The following PGM5 variants were observed in gnomAD, a reference collection of about 807,000 sequenced individuals.
PGM5 encodes the protein phosphoglucomutase-like protein 5.
PGM5 carries 23 observed loss-of-function variants against 59.2 expected under a neutral mutation model. That is an observed-to-expected ratio of 0.39 (90% CI 0.28 to 0.55). The LOEUF (loss-of-function observed/expected upper bound fraction) is 0.55, where lower values mean the gene tolerates loss of function less well. Ranked by LOEUF, PGM5 falls within the 20% of genes least tolerant of loss-of-function variation. The pLI, the probability that PGM5 is intolerant of heterozygous loss-of-function variation, is 0.66. For synonymous variants in PGM5, 214 were observed against 286.0 expected, an observed-to-expected ratio of 0.75 and a Z score of 2.54; for missense variants, 574 against 748.3, an observed-to-expected ratio of 0.77 and a Z score of 2.72.
At chr9:68,523,407 A>C (rs1050929051) in intron 10 of PGM5, among the ~76,000 whole-genome samples, 1 of 152,154 alleles carries the variant, frequency 6.6e-6, no homozygotes, top group East Asian at 1.9e-4. Flanking sequence ...TGCAGTCTCC[A>C]CTTTAACAGA....
At chr9:68,373,936 A>T (rs1563983514) in intron 1 of PGM5, among the ~76,000 whole-genome samples, 2 of 152,176 alleles carry the variant, frequency 1.3e-5, no homozygotes, top group Admixed American at 6.5e-5. Context: ...TTGTTTTCTG[A>T]TATCCTCAGC....
At chr9:68,465,829 C>T (rs1033863504) in intron 7 of PGM5, among the ~76,000 whole-genome samples, 3 of 152,108 alleles carry the variant, frequency 2.0e-5, no homozygotes, top group Non-Finnish European at 4.4e-5. Context: ...TAAAGTACCC[C>T]CCAGTCTCCT....
intron 6 of PGM5, among the ~76,000 whole-genome samples, chr9:68,422,280 C>T (rs1348320835): frequency 6.6e-6 from 1 of 152,062 alleles, no homozygotes; most frequent in Non-Finnish European, 1.5e-5. Context: ...TGCCTGGGAA[C>T]TCCATTTGCA....
intron 6 of PGM5, among the ~76,000 whole-genome samples, chr9:68,434,318 A>G (rs797036785): frequency 3.8e-5 from 1 of 26,060 alleles, no homozygotes; most frequent in African/African-American, 1.2e-4. Context: ...CTCCGTCTCA[A>G]AAAAAAAAAA....
chr9:68,357,151 G>T lies in PGM5; in HGVS notation c.24G>T (p.Val8=), dbSNP rs1300743267. 4 of 1,533,166 alleles carry T rather than the reference G, an allele frequency of 2.6e-6. No individual in the cohort carries two copies. The highest frequency in any genetic ancestry group is 2.6e-6 in the Non-Finnish European group (3 of 1,144,440). The allele number at this position is 1,533,166 out of a possible 1,614,324, so 95.0% of individuals were successfully genotyped here. A position where few individuals can be genotyped will look rare whatever the true frequency, so the allele number is the denominator to read the frequency against. The change falls in exon 1 of 11, where the codon GTG becomes GTT. Residue 8 remains valine, a synonymous_variant. Transcript: ENST00000396396. MEGSPIP[V]LTVPTAPYED... ...CCATGGAGGGGAGCCCCATCCCGGT[G>T]CTGACAGTGCCCACCGCGCCCTACG... is the stretch of plus-strand genomic sequence containing the variant.
intron 8 of PGM5, among the ~76,000 whole-genome samples, chr9:68,480,710 C>A (rs1240414767): frequency 1.1e-4 from 17 of 147,830 alleles, no homozygotes; most frequent in Middle Eastern, 3.5e-3. Context: ...AAAAAAAAAA[C>A]AAAACAAAAC....
At position 68,356,946 on chromosome 9, in the gene PGM5, C is replaced by G; in HGVS notation, c.-182C>G. 2.0e-6 allele frequency: 1 copy of G among 503,430 alleles called. No homozygotes were observed. Among genetic ancestry groups the G allele is most frequent in the South Asian group, 4.2e-5 (1 of 23,626 alleles). 31.2% of individuals were successfully genotyped at this position (503,430 alleles called of 1,614,324 possible). A position where few individuals can be genotyped will look rare whatever the true frequency, so the allele number is the denominator to read the frequency against. Reference sequence around the variant, plus strand: ...CGAGAGAGTCAGCCGAGCGGCCGCGCGGAGAGGAGGGGCGGGCGGTCCCCA... The same window carrying G: ...CGAGAGAGTCAGCCGAGCGGCCGCGGGGAGAGGAGGGGCGGGCGGTCCCCA... On this transcript the variant is annotated 5_prime_UTR_variant, in exon 1 of 11. Coordinates refer to ENST00000396396, the MANE Select transcript of PGM5 (RefSeq NM_021965.4).
chr9:68,445,781 T>C (rs10780935), intron 6 of PGM5, among the ~76,000 whole-genome samples: 94,247 of 152,134 alleles, frequency 0.62, 29,131 homozygotes, highest in East Asian at 0.65. Flanking sequence ...AGTTTAACCT[T>C]CAGGCTAAAC....
At chr9:68,394,904 G>A (rs558681544) in intron 6 of PGM5, among the ~76,000 whole-genome samples, 1 of 152,264 alleles carries the variant, frequency 6.6e-6, no homozygotes, top group East Asian at 1.9e-4. Flanking sequence ...TTATGGGTAT[G>A]AGCCACTGAA....
At chr9:68,364,882 G>C (rs1834649779) in intron 1 of PGM5, among the ~76,000 whole-genome samples, 2 of 150,782 alleles carry the variant, frequency 1.3e-5, no homozygotes, top group African/African-American at 4.9e-5. Flanking sequence ...AATGTGTCCA[G>C]AGACCCAGAT....
intron 1 of PGM5, chr9:68,371,514 G>C (rs1407082411): frequency 6.6e-6 from 1 of 152,134 alleles, no homozygotes; most frequent in Non-Finnish European, 1.5e-5. Flanking sequence ...GAAGACAATA[G>C]AATAATTTGT....
chr9:68,490,111 C>T (rs1260631081), intron 9 of PGM5, among the ~76,000 whole-genome samples: 1 of 152,160 alleles, frequency 6.6e-6, no homozygotes, highest in African/African-American at 2.4e-5. Flanking sequence ...AGTAAATTGG[C>T]AATCTCAAAG....
intron 6 of PGM5, among the ~76,000 whole-genome samples, chr9:68,458,298 G>A (rs782504503): frequency 6.6e-6 from 1 of 152,064 alleles, no homozygotes; most frequent in Non-Finnish European, 1.5e-5. Context: ...GATCTAACTG[G>A]GAAGAGTCCT....
At chr9:68,426,373 C>T (rs1329371578) in intron 6 of PGM5, among the ~76,000 whole-genome samples, 1 of 152,042 alleles carries the variant, frequency 6.6e-6, no homozygotes, top group Admixed American at 6.6e-5. Flanking sequence ...ATTTCTTACA[C>T]ATACATATAA....
chr9:68,514,397 T>C (rs1824794989), intron 10 of PGM5, among the ~76,000 whole-genome samples: 4 of 151,878 alleles, frequency 2.6e-5, no homozygotes, highest in African/African-American at 4.8e-5. Context: ...AGGTCAGGAG[T>C]TCGAGACCAG....
intron 1 of PGM5, chr9:68,371,560 G>C (rs1306574549): frequency 6.6e-6 from 1 of 152,170 alleles, no homozygotes; most frequent in Non-Finnish European, 1.5e-5. Context: ...TTTGTTTATA[G>C]AATCTGATCT....
At chr9:68,390,286 C>A (rs1554679337) in intron 4 of PGM5, among the ~76,000 whole-genome samples, 1 of 152,152 alleles carries the variant, frequency 6.6e-6, no homozygotes, top group East Asian at 1.9e-4. Context: ...GGGAAGACAG[C>A]TTTGCTTTTT....
intron 6 of PGM5, among the ~76,000 whole-genome samples, chr9:68,409,919 T>C (rs192334004): frequency 0.01 from 1,532 of 151,168 alleles, 22 homozygotes; most frequent in African/African-American, 0.035. Flanking sequence ...AGTGTGTGAC[T>C]GAGGTGGTAC....
intron 6 of PGM5, among the ~76,000 whole-genome samples, chr9:68,418,614 C>T (rs1437702237): frequency 6.6e-6 from 1 of 152,020 alleles, no homozygotes; most frequent in African/African-American, 2.4e-5. Context: ...CTGTGTTTCT[C>T]ACCTTGCTGC....
Sources: allele counts gnomAD v4.1 joint callset (sites outside exome capture counted in the v4.1 genomes callset), GRCh38; gene constraint gnomAD v4.1.1; transcripts MANE v1.5; gene names NCBI Gene and HGNC (gene_info 2026-07-23, HGNC 2026-07-21).